Variants in MAD1L1 observed in about 807,000 individuals in gnomAD.
MAD1L1 encodes mitotic arrest deficient 1 like 1, also known as mitotic spindle assembly checkpoint protein MAD1.
A neutral mutation model predicts 96.9 loss-of-function variants in MAD1L1; 95 were observed. That is an observed-to-expected ratio of 0.98 (90% CI 0.83 to 1.16). The LOEUF (loss-of-function observed/expected upper bound fraction) is 1.16. MAD1L1 is among the 50% of genes most tolerant of loss of function. MAD1L1 has a pLI of 0.00. For missense variants in MAD1L1, 1,007 were observed against 954.4 expected (o/e 1.06, Z -0.73); for synonymous variants, 473 against 396.6 (o/e 1.19, Z -2.29).
chr7:1,892,522 C>T (rs1786610358), intron 18 of MAD1L1, among the ~76,000 whole-genome samples: 5 of 152,170 alleles, frequency 3.3e-5, no homozygotes, highest in African/African-American at 7.2e-5. Flanking sequence ...ATATTCATCC[C>T]TAATCTGAAA....
intron 10 of MAD1L1, among the ~76,000 whole-genome samples, chr7:2,199,112 G>C (rs76785191): frequency 0.011 from 1,667 of 152,346 alleles, 20 homozygotes; most frequent in Non-Finnish European, 0.019. Flanking sequence ...CGCAACTCCA[G>C]CTCCACCTGC....
intron 18 of MAD1L1, among the ~76,000 whole-genome samples, chr7:1,857,769 C>T (rs192970378): frequency 6.6e-5 from 10 of 152,328 alleles, no homozygotes; most frequent in African/African-American, 2.4e-4. Context: ...GAGGCCTGCC[C>T]GGCTAGGCCA....
At chr7:1,912,694 A>G (rs1788096466) in intron 17 of MAD1L1, among the ~76,000 whole-genome samples, 1 of 152,166 alleles carries the variant, frequency 6.6e-6, no homozygotes, top group Non-Finnish European at 1.5e-5. Context: ...GCCCCTGTGC[A>G]GGCAGGGAGC....
chr7:1,947,594 T>C (rs7809015), intron 16 of MAD1L1, among the ~76,000 whole-genome samples: 122,874 of 125,138 alleles, frequency 0.98, 60,451 homozygotes, highest in Middle Eastern at 1. Flanking sequence ...TGGCCTTGCC[T>C]GCTTGGCCTT....
intron 12 of MAD1L1, among the ~76,000 whole-genome samples, chr7:2,015,664 T>C (rs1188617634): frequency 6.6e-6 from 1 of 152,224 alleles, no homozygotes; most frequent in Non-Finnish European, 1.5e-5. Flanking sequence ...TGAGTCTGGA[T>C]GGAGCAGATT....
At chr7:1,841,665 G>T (rs1309425784) in intron 18 of MAD1L1, among the ~76,000 whole-genome samples, 2 of 152,208 alleles carry the variant, frequency 1.3e-5, no homozygotes, top group African/African-American at 4.8e-5. Context: ...GGGACCCAAG[G>T]GGCCAGTCCG....
At chr7:2,229,893 G>T in intron 3 of MAD1L1, 91 bp downstream of exon 3, 2 of 1,391,962 alleles carry the variant, frequency 1.4e-6, no homozygotes, top group Non-Finnish European at 2.0e-6. Flanking sequence ...TGCTAATACC[G>T]ACCCACCTCA....
intron 12 of MAD1L1, among the ~76,000 whole-genome samples, chr7:2,053,402 C>G (rs928750802): frequency 6.6e-6 from 1 of 152,254 alleles, no homozygotes; most frequent in Non-Finnish European, 1.5e-5. Context: ...GTCCAATATT[C>G]ACCAGGCATT....
intron 18 of MAD1L1, among the ~76,000 whole-genome samples, chr7:1,857,207 C>T (rs1417082901): frequency 4.6e-5 from 7 of 152,224 alleles, no homozygotes; most frequent in South Asian, 2.1e-4. Context: ...GGCACCTTCC[C>T]GAGGATTTCA....
intron 12 of MAD1L1, among the ~76,000 whole-genome samples, chr7:2,049,113 CTG>C (rs1784057560): frequency 6.6e-6 from 1 of 152,228 alleles, no homozygotes; most frequent in East Asian, 1.9e-4. Flanking sequence ...CTCATGTAAT[CTG>C]TGAATCGGCT....
chr7:1,928,200 G>T (rs1789203686), intron 17 of MAD1L1, among the ~76,000 whole-genome samples: 1 of 148,632 alleles, frequency 6.7e-6, no homozygotes, highest in Non-Finnish European at 1.5e-5. Context: ...CCACCCGCCG[G>T]TCCCTAAAGG....
At chr7:1,937,185 C>T (rs1315285231) in intron 16 of MAD1L1, among the ~76,000 whole-genome samples, 1 of 152,200 alleles carries the variant, frequency 6.6e-6, no homozygotes, top group African/African-American at 2.4e-5. Context: ...GGCCTTTGCT[C>T]AGCCAAGTGC....
At chr7:2,188,298 C>T (rs1469495823) in intron 10 of MAD1L1, among the ~76,000 whole-genome samples, 1 of 152,238 alleles carries the variant, frequency 6.6e-6, no homozygotes, top group African/African-American at 2.4e-5. Context: ...CAATCCCTAT[C>T]AAGACCTAAC....
At chr7:2,182,425 T>C (rs906288210) in intron 10 of MAD1L1, among the ~76,000 whole-genome samples, 5 of 151,860 alleles carry the variant, frequency 3.3e-5, no homozygotes, top group African/African-American at 1.2e-4. Context: ...CTATGGAAAA[T>C]AGTTTGGCAA....
At chr7:1,844,906 G>A (rs1040277413) in intron 18 of MAD1L1, among the ~76,000 whole-genome samples, 1 of 152,234 alleles carries the variant, frequency 6.6e-6, no homozygotes, top group African/African-American at 2.4e-5. Context: ...CTGCCAGGAC[G>A]GAGACAGTAT....
intron 18 of MAD1L1, among the ~76,000 whole-genome samples, chr7:1,878,595 C>A (rs1027036894): frequency 6.6e-6 from 1 of 150,752 alleles, no homozygotes. Flanking sequence ...TGACAAAATT[C>A]GACTCTTAGC....
chr7:2,155,859 C>T (rs937731181), intron 10 of MAD1L1, among the ~76,000 whole-genome samples: 1 of 152,146 alleles, frequency 6.6e-6, no homozygotes, highest in Non-Finnish European at 1.5e-5. Context: ...TCGGTTTTTC[C>T]GAGAACCACC....
At chr7:2,075,305 G>A (rs1168759151) in intron 11 of MAD1L1, among the ~76,000 whole-genome samples, 3 of 152,152 alleles carry the variant, frequency 2.0e-5, no homozygotes, top group African/African-American at 7.2e-5. Flanking sequence ...GCAGGTAGAG[G>A]CGCTCCGGCA....
chr7:2,044,666 G>A lies in MAD1L1; in HGVS notation c.1218+24528C>T, dbSNP rs567168065. 2.5e-3 allele frequency among the ~76,000 whole-genome samples: 388 copies of A among 152,236 alleles called. 2 individuals carry two copies. The highest frequency in any genetic ancestry group is 8.5e-3 in the African/African-American group (354 of 41,536). ...CAAGCCTCTCCACTGCTCCAGCCTC[G>A]GTTTCTCTTCCTGTACAGCGAGGGC... On this transcript the variant is annotated intron_variant, in intron 12 of 18. Coordinates refer to ENST00000265854, the MANE Select transcript of MAD1L1 (RefSeq NM_001013836.2).
Sources: allele counts gnomAD v4.1 joint callset (sites outside exome capture counted in the v4.1 genomes callset), GRCh38; gene constraint gnomAD v4.1.1; transcripts MANE v1.5; gene names NCBI Gene and HGNC (gene_info 2026-07-23, HGNC 2026-07-21).